The following PHF12 variants were observed in gnomAD, a reference collection of about 807,000 sequenced individuals.
The protein encoded by PHF12 is PHD finger protein 12, also known as PHD factor 1.
In PHF12, 6 loss-of-function variants were observed where a neutral mutation model predicts 99.8. The ratio of observed to expected loss-of-function variants is 0.06; its 90% CI spans 0.03 to 0.12. The LOEUF is 0.12. Among genes scored for constraint, PHF12 ranks in the 10% least tolerant of loss-of-function variants. The pLI, the probability that PHF12 is intolerant of heterozygous loss-of-function variation, is 1.00. For missense variants in PHF12, 954 were observed against 1,300.1 expected (o/e 0.73, Z 4.09); for synonymous variants, 480 against 514.9 (o/e 0.93, Z 0.92).
chr17:28,921,649 AAAT>A, intron 5 of PHF12, 36 bp downstream of exon 5: 1 of 1,605,984 alleles, frequency 6.2e-7, no homozygotes, highest in Non-Finnish European at 8.5e-7. Context: ...ATCATCTGCT[AAAT>A]AATGAGAAAG....
At chr17:28,907,521 C>CAAAA (rs772273487) in intron 13 of PHF12, 69 bp downstream of exon 13, 38 of 1,527,864 alleles carry the variant, frequency 2.5e-5, no homozygotes, top group Non-Finnish European at 3.3e-5. Flanking sequence ...GGGCACTGAA[C>CAAAA]AAAAACCTAC....
chr17:28,906,892 G>A lies in PHF12; in HGVS notation c.2644C>T (p.Pro882Ser), dbSNP rs761222585. The A allele has an allele frequency of 6.2e-7, 1 of 1,612,012 alleles. No homozygotes were observed. The highest frequency in any genetic ancestry group is 1.7e-5 in the Admixed American group (1 of 59,712). The change falls in exon 14 of 15, where the codon CCA becomes TCA. Residue 882 changes from proline (P) to serine (S), a missense_variant. Coordinates refer to ENST00000332830, the MANE Select transcript of PHF12 (RefSeq NM_001033561.2). The surrounding 1 kb of genome is among the most constrained non-coding windows in gnomAD (Gnocchi z 4.2). Reference protein sequence around the residue: ...DFSEKTPPTPPSSIVAKVQSV... With the variant: ...DFSEKTPPTPSSSIVAKVQSV... ...TGCACTTTGGCAACAATACTGCTTG[G>A]GGGGGTTGGCGGGGTCTTCTCCGAG...
chr17:28,913,321 C>T (rs748197765), intron 8 of PHF12, 44 bp from the exon 9 acceptor site: 11 of 1,558,236 alleles, frequency 7.1e-6, no homozygotes, highest in African/African-American at 5.4e-5. Flanking sequence ...GCCTGAGAGG[C>T]GCCGGTCCTT....
rs1598170820 is a variant in PHF12, at chr17:28,951,185, C to T, written c.-225G>A. 1 of 1,409,438 alleles carries T rather than the reference C, an allele frequency of 7.1e-7. No homozygotes were observed. The highest frequency in any genetic ancestry group is 9.2e-7 in the Non-Finnish European group (1 of 1,085,216). 87.3% of individuals were successfully genotyped at this position (1,409,438 alleles called of 1,614,324 possible). On this transcript the variant is annotated 5_prime_UTR_variant, in exon 1 of 15. Coordinates refer to ENST00000332830, the MANE Select transcript of PHF12 (RefSeq NM_001033561.2). The stretch of plus-strand genomic sequence containing the variant: ...GGGGAGCGGCCCCTCAGTCCCGGCC[C>T]GGCTGCTGGCTGCACAGTGGGTCCC...
chr17:28,934,846 C>T (rs987949907), intron 2 of PHF12, among the ~76,000 whole-genome samples: 3 of 152,140 alleles, frequency 2.0e-5, no homozygotes, highest in Admixed American at 1.3e-4. Flanking sequence ...GGTGATCTAC[C>T]CGCCTATGCC....
intron 7 of PHF12, 133 bp from the exon 8 acceptor site, chr17:28,914,170 A>C: frequency 9.8e-7 from 1 of 1,016,562 alleles, no homozygotes; most frequent in Non-Finnish European, 1.4e-6. Context: ...CTGCTGAGGA[A>C]AAGGAGGCTC....
chr17:28,917,646 A>C (rs1352869946), intron 6 of PHF12, among the ~76,000 whole-genome samples, 197 bp from the exon 7 acceptor site: 1 of 152,210 alleles, frequency 6.6e-6, no homozygotes, highest in African/African-American at 2.4e-5. Context: ...TGCCCAGTCC[A>C]GTGGAAGAGA....
At chr17:28,945,855 G>T (rs950054325) in intron 2 of PHF12, among the ~76,000 whole-genome samples, 1 of 152,168 alleles carries the variant, frequency 6.6e-6, no homozygotes, top group Admixed American at 6.5e-5. Flanking sequence ...TCCCTCCATG[G>T]CCGGGTGTGG....
intron 8 of PHF12, 63 bp from the exon 9 acceptor site, chr17:28,913,340 A>G (rs2040003507): frequency 6.5e-7 from 1 of 1,547,748 alleles, no homozygotes; most frequent in Non-Finnish European, 8.7e-7. Flanking sequence ...TTCCTGCCAC[A>G]GTGGCCAGGG....
intron 13 of PHF12, 195 bp downstream of exon 13, chr17:28,907,395 T>A (rs1382530394): frequency 1.7e-6 from 1 of 593,396 alleles, no homozygotes; most frequent in African/African-American, 1.9e-5. Context: ...GCCCTGCTCC[T>A]GGGAAGCAGG....
chr17:28,950,850 T>C lies in PHF12; in HGVS notation c.66+45A>G. On this transcript the variant is annotated intron_variant, in intron 1 of 14. Coordinates refer to ENST00000332830, the MANE Select transcript of PHF12 (RefSeq NM_001033561.2). The surrounding 1 kb of genome is among the most constrained non-coding windows in gnomAD (Gnocchi z 5.7). ...GCTTTGTGGGGCGGAGGGCGGAGGT[T>C]CCCTCCCGGCGCTGGAGGAAGGAGA... 4 of 1,607,478 alleles carry C rather than the reference T, an allele frequency of 2.5e-6. No homozygotes were observed. The highest frequency in any genetic ancestry group is 3.4e-6 in the Non-Finnish European group (4 of 1,176,066).
intron 11 of PHF12, chr17:28,909,745 C>T (rs759845023): frequency 3.2e-6 from 1 of 314,558 alleles, no homozygotes; most frequent in Admixed American, 4.7e-5. Flanking sequence ...TGTATGCCAC[C>T]ATGCCTGGGT....
chr17:28,912,070 T>C, intron 9 of PHF12: 1 of 1,006,636 alleles, frequency 9.9e-7, no homozygotes, highest in South Asian at 4.5e-5. Context: ...ATCCATTCTT[T>C]TGTGTGGATC....
At chr17:28,929,060 C>A (rs1387252810) in intron 2 of PHF12, among the ~76,000 whole-genome samples, 2 of 151,754 alleles carry the variant, frequency 1.3e-5, no homozygotes, top group Admixed American at 6.6e-5. Context: ...AGTGCCACTG[C>A]ACTCCAGCCT....
At position 28,912,937 on chromosome 17, in the gene PHF12, A is replaced by T; in HGVS notation, c.1634T>A (p.Val545Glu). The T allele has an allele frequency of 6.2e-7, 1 of 1,614,010 alleles. No homozygotes were observed. The highest frequency in any genetic ancestry group is 8.5e-7 in the Non-Finnish European group (1 of 1,179,994). Reference sequence around the variant, plus strand: ...GTAGAGGTGTGGGCCATTAGCTTTCACCTCTGTGTTCACTGGCCCATTGGC... The same window carrying T: ...GTAGAGGTGTGGGCCATTAGCTTTCTCCTCTGTGTTCACTGGCCCATTGGC... The part of the protein sequence containing the change: ...GTANGPVNTE[V>E]KANGPHLYSS... Residue 545 changes from valine (V) to glutamate (E), a missense_variant, in exon 9 of 15, where the codon GTG (valine) becomes GAG (glutamate). Around this residue, in one of 8 missense-constraint regions of PHF12, gnomAD observed 392 missense variants for 423.1 expected, o/e 0.93. Transcript: ENST00000332830.
intron 12 of PHF12, 92 bp from the exon 13 acceptor site, chr17:28,907,764 T>A: frequency 7.9e-7 from 1 of 1,263,340 alleles, no homozygotes; most frequent in Non-Finnish European, 1.1e-6. Context: ...AGAGTTAGCT[T>A]CTGGGTTGGC....
At position 28,905,995 on chromosome 17, in the gene PHF12, C is replaced by T. The variant is rs2039865082; in HGVS notation, c.*188G>A. 4.8e-6 allele frequency: 3 copies of T among 624,482 alleles called. No individual in the cohort carries two copies. In the Admixed American group the frequency reaches 1.0e-4, roughly 21 times the overall value. 38.7% of individuals were successfully genotyped at this position (624,482 alleles called of 1,614,324 possible). ...AGTACAAATATATGTGCAAATGCCC[C>T]CTAGAACTTGAGAAAAGAAAAAGGA... On this transcript the variant is annotated 3_prime_UTR_variant, in exon 15 of 15. Coordinates refer to ENST00000332830, the MANE Select transcript of PHF12 (RefSeq NM_001033561.2).
intron 13 of PHF12, 85 bp from the exon 14 acceptor site, chr17:28,907,079 G>C (rs1169749899): frequency 8.3e-6 from 12 of 1,447,408 alleles, no homozygotes; most frequent in African/African-American, 1.4e-5. Flanking sequence ...GGAGAAGGCC[G>C]TGCTACTCTA....
At chr17:28,907,218 C>T (rs111309580) in intron 13 of PHF12, 10 of 551,566 alleles carry the variant, frequency 1.8e-5, no homozygotes, top group African/African-American at 1.5e-4. Context: ...CTTCACTCTG[C>T]CCTCTCAGCA....
Sources: gnomAD v4.1 joint callset for allele counts (sites outside exome capture counted in the v4.1 genomes callset) on GRCh38, gnomAD v4.1.1 for gene constraint, gnomAD v4.1.1 regional missense constraint, Gnocchi (gnomAD v3.1) non-coding constraint, MANE v1.5 for transcripts, NCBI Gene and HGNC (gene_info 2026-07-23, HGNC 2026-07-21) for gene names.